Variants in ST3GAL4 observed in about 807,000 individuals in gnomAD.
The protein encoded by ST3GAL4 is ST3 beta-galactoside alpha-2,3-sialyltransferase 4, also known as CMP-N-acetylneuraminate-beta-galactosamide-alpha-2,3-sialyltransferase 4.
ST3GAL4 carries 24 observed loss-of-function variants against 42.6 expected under a neutral mutation model. The observed-to-expected ratio is 0.56, with a 90% CI of 0.41 to 0.79. The LOEUF is 0.79. Ranked by LOEUF, ST3GAL4 falls within the 30% of genes least tolerant of loss-of-function variation. The pLI, the probability that ST3GAL4 is intolerant of heterozygous loss-of-function variation, is 0.00. For missense variants in ST3GAL4, 311 were observed against 430.8 expected (o/e 0.72, Z 2.46); for synonymous variants, 135 against 163.2 (o/e 0.83, Z 1.32).
intron 1 of ST3GAL4, among the ~76,000 whole-genome samples, chr11:126,370,565 C>CT (rs374892953): frequency 1.8e-4 from 27 of 152,200 alleles, no homozygotes; most frequent in African/African-American, 6.3e-4. Context: ...GTTTTTTACT[C>CT]TTTTAAGTAT....
intron 1 of ST3GAL4, among the ~76,000 whole-genome samples, chr11:126,357,029 T>C (rs909269221): frequency 1.3e-5 from 2 of 152,356 alleles, no homozygotes; most frequent in Admixed American, 6.5e-5. Context: ...AAATATTCAC[T>C]ATTGGTAATA....
In ST3GAL4 at chr11:126,407,369, G is replaced by C. The variant is rs374093253; in HGVS notation, c.280+20G>C. On this transcript the variant is annotated intron_variant, in intron 5 of 10. Transcript: ENST00000444328. Reference sequence around the variant, plus strand: ...GGAGTGGTAAGTTCCTACCCGGCTCGTGGGAACCATGGGCTCACCCTGACC... The same window carrying C: ...GGAGTGGTAAGTTCCTACCCGGCTCCTGGGAACCATGGGCTCACCCTGACC... 7 of 1,611,380 alleles carry C rather than the reference G, an allele frequency of 4.3e-6. No homozygotes were observed. The highest frequency in any genetic ancestry group is 1.6e-4 in the Middle Eastern group (1 of 6,082).
chr11:126,396,517 G>A lies in ST3GAL4; in HGVS notation c.-60-9579G>A, dbSNP rs560290427. On this transcript the variant is annotated intron_variant, in intron 1 of 10. Transcript: ENST00000444328. This position sits in a 1 kb window ranked among gnomAD's most constrained non-coding sequence, Gnocchi z 5.8. ...CTGCAGAGCTTCCAGAGAGCACCAG[G>A]GCTGTGGGGGCTAGAGACTGTGTCT... 3.4e-4 allele frequency among the ~76,000 whole-genome samples: 51 copies of A among 152,070 alleles called. No homozygotes were observed. The highest frequency in any genetic ancestry group is 2.0e-3 in the Admixed American group (30 of 15,306).
rs1317512766 is a variant in ST3GAL4 at position 126,359,212 on chromosome 11, C to A, written c.-61+3370C>A. On this transcript the variant is annotated intron_variant, in intron 1 of 10. Coordinates refer to ENST00000444328, the MANE Select transcript of ST3GAL4 (RefSeq NM_001254757.2). This position sits in a 1 kb window ranked among gnomAD's most constrained non-coding sequence, Gnocchi z 4.8. ...ATGGGTGAACATCTGTACATCTGTC[C>A]CCATAATGAAAATGGCCTCAGCAAA... 6.6e-6 allele frequency among the ~76,000 whole-genome samples: 1 copy of A among 151,966 alleles called. No homozygotes were observed. The highest frequency in any genetic ancestry group is 1.5e-5 in the Non-Finnish European group (1 of 68,008).
chr11:126,374,654 G>T (rs1281309190), intron 1 of ST3GAL4, among the ~76,000 whole-genome samples: 1 of 152,092 alleles, frequency 6.6e-6, no homozygotes, highest in East Asian at 1.9e-4. Context: ...GTTGGGCAAG[G>T]AGGGAGGAGG....
At chr11:126,371,170 T>C in intron 1 of ST3GAL4, among the ~76,000 whole-genome samples, 1 of 104,826 alleles carries the variant, frequency 9.5e-6, no homozygotes, top group South Asian at 3.9e-4. Context: ...TTCCTTTTTT[T>C]TTTTTTTTTT....
intron 1 of ST3GAL4, among the ~76,000 whole-genome samples, chr11:126,372,323 T>A (rs964197556): frequency 2.6e-5 from 4 of 152,210 alleles, no homozygotes; most frequent in African/African-American, 9.6e-5. Flanking sequence ...TATTTGTCCT[T>A]TTGTAACTGG....
intron 1 of ST3GAL4, among the ~76,000 whole-genome samples, chr11:126,405,131 G>T (rs1253268195): frequency 6.6e-6 from 1 of 152,216 alleles, no homozygotes; most frequent in East Asian, 1.9e-4. Flanking sequence ...TTTAGGAAGT[G>T]GTCCAAAGGA....
At chr11:126,372,545 T>G (rs1188908114) in intron 1 of ST3GAL4, among the ~76,000 whole-genome samples, 2 of 151,754 alleles carry the variant, frequency 1.3e-5, no homozygotes, top group African/African-American at 4.8e-5. Flanking sequence ...GCTTCCCGAG[T>G]AGCTGGGATT....
At chr11:126,381,816 A>G (rs2135443764) in intron 1 of ST3GAL4, among the ~76,000 whole-genome samples, 1 of 151,694 alleles carries the variant, frequency 6.6e-6, no homozygotes, top group Non-Finnish European at 1.5e-5. Context: ...AATGCCATTA[A>G]AAGGGGAATC....
intron 1 of ST3GAL4, among the ~76,000 whole-genome samples, chr11:126,372,071 T>A (rs1166132508): frequency 6.6e-6 from 1 of 152,244 alleles, no homozygotes. Context: ...AAGGTTCTGT[T>A]GACCTGTTGA....
In ST3GAL4 at chr11:126,383,479, G is replaced by T. The variant is rs949810089; in HGVS notation, c.-60-22617G>T. On this transcript the variant is annotated intron_variant, in intron 1 of 10. Coordinates refer to ENST00000444328, the MANE Select transcript of ST3GAL4 (RefSeq NM_001254757.2). The surrounding 1 kb of genome is among the most constrained non-coding windows in gnomAD (Gnocchi z 4.5). ...CCCCCGGCCAGCCCTGAGGAATGGG[G>T]GAAAAGAGTGCCCTGGCTTGGGGGG... Among the ~76,000 whole-genome samples, 3 of 152,184 alleles carry T rather than the reference G, an allele frequency of 2.0e-5. No homozygotes were observed. Among genetic ancestry groups the T allele is most frequent in the African/African-American group, 7.2e-5 (3 of 41,448 alleles).
At position 126,395,926 on chromosome 11, in the gene ST3GAL4, G is replaced by C. The variant is rs1295076772; in HGVS notation, c.-60-10170G>C. On this transcript the variant is annotated intron_variant, in intron 1 of 10. Coordinates refer to ENST00000444328, the MANE Select transcript of ST3GAL4 (RefSeq NM_001254757.2). ...AGGAGGGAGGAGGTGCTGGCCAGTAGAGCACATGTGTCTCTGTGCATCAGA... is the reference window on the plus strand; with the variant it reads ...AGGAGGGAGGAGGTGCTGGCCAGTACAGCACATGTGTCTCTGTGCATCAGA... Among the ~76,000 whole-genome samples, 11 of 152,204 alleles carry C rather than the reference G, an allele frequency of 7.2e-5. No homozygotes were observed. The East Asian group carries it at 1.5e-3, about 21-fold the overall frequency.
chr11:126,410,802 T>G lies in ST3GAL4; in HGVS notation c.771+1391T>G, dbSNP rs1368776731. On this transcript the variant is annotated intron_variant, in intron 9 of 10. Coordinates refer to ENST00000444328, the MANE Select transcript of ST3GAL4 (RefSeq NM_001254757.2). This position sits in a 1 kb window ranked among gnomAD's most constrained non-coding sequence, Gnocchi z 5.3. ...AGGTTGCACTGTGGGGTGATAAAAT[T>G]CCACAATGGAGAGTTGTTCCCAATG... is the stretch of plus-strand genomic sequence containing the variant. Among the ~76,000 whole-genome samples the G allele has an allele frequency of 6.6e-6, 1 of 152,064 alleles. No individual in the cohort carries two copies. Among genetic ancestry groups the G allele is most frequent in the Non-Finnish European group, 1.5e-5 (1 of 68,016 alleles).
At chr11:126,357,971 C>T (rs1052115073) in intron 1 of ST3GAL4, among the ~76,000 whole-genome samples, 4 of 152,232 alleles carry the variant, frequency 2.6e-5, no homozygotes, top group Non-Finnish European at 5.9e-5. Flanking sequence ...GACCCTGGGC[C>T]GATAGGGAAA....
rs1952170590 is a variant in ST3GAL4 at position 126,359,312 on chromosome 11, G to A, written c.-61+3470G>A. Among the ~76,000 whole-genome samples, 1 of 150,302 alleles carries A rather than the reference G, an allele frequency of 6.7e-6. No individual in the cohort carries two copies. The highest frequency in any genetic ancestry group is 1.5e-5 in the Non-Finnish European group (1 of 67,622). ...CCAATAAACTTAAAAAAAAAAAAAA[G>A]ATGTGCTAGACACTTTACGTCCCTT... On this transcript the variant is annotated intron_variant, in intron 1 of 10. Transcript: ENST00000444328. The surrounding 1 kb of genome is among the most constrained non-coding windows in gnomAD (Gnocchi z 4.8).
intron 1 of ST3GAL4, among the ~76,000 whole-genome samples, chr11:126,395,430 G>T (rs1369727320): frequency 6.6e-6 from 1 of 152,162 alleles, no homozygotes. Flanking sequence ...ATTCTAGACT[G>T]AGTGAGCATA....
chr11:126,406,394 A>C lies in ST3GAL4; in HGVS notation c.17-79A>C. 1.2e-6 allele frequency: 2 copies of C among 1,608,430 alleles called. No homozygotes were observed. Among genetic ancestry groups the C allele is most frequent in the Non-Finnish European group, 1.7e-6 (2 of 1,177,582 alleles). ...TGAGTTAGGGGTCGGAGGGACTCAG[A>C]AGGGGGCAGGTGGGAAGGTGGACGG... On this transcript the variant is annotated intron_variant, in intron 2 of 10. Coordinates refer to ENST00000444328, the MANE Select transcript of ST3GAL4 (RefSeq NM_001254757.2). The surrounding 1 kb of genome is among the most constrained non-coding windows in gnomAD (Gnocchi z 5.4).
intron 1 of ST3GAL4, chr11:126,356,149 G>C (rs1565386784): frequency 6.6e-6 from 1 of 152,636 alleles, no homozygotes; most frequent in Non-Finnish European, 1.5e-5. Context: ...GGACTGAAGC[G>C]GCGGCCCCCA....
Sources: allele counts gnomAD v4.1 joint callset (sites outside exome capture counted in the v4.1 genomes callset), GRCh38; gene constraint gnomAD v4.1.1; non-coding constraint Gnocchi (gnomAD v3.1); transcripts MANE v1.5; gene names NCBI Gene and HGNC (gene_info 2026-07-23, HGNC 2026-07-21).